The following SPATA6L variants were observed in gnomAD, a reference collection of about 807,000 sequenced individuals.
SPATA6L encodes spermatogenesis associated 6 like.
A neutral mutation model predicts 49.2 loss-of-function variants in SPATA6L; 68 were observed. The ratio of observed to expected loss-of-function variants is 1.38; its 90% CI spans 1.14 to 1.69. The LOEUF (loss-of-function observed/expected upper bound fraction) is 1.69. Among genes scored for constraint, SPATA6L ranks in the 40% most tolerant of loss-of-function variants. The pLI is 0.00. For synonymous variants in SPATA6L, 198 were observed against 165.7 expected (o/e 1.19, Z -1.50); for missense variants, 668 against 464.3 (o/e 1.44, Z -4.03).
intron 6 of SPATA6L, among the ~76,000 whole-genome samples, chr9:4,623,923 T>C (rs12341804): frequency 0.018 from 2,731 of 152,366 alleles, 77 homozygotes; most frequent in African/African-American, 0.06. Context: ...GATGTCATTA[T>C]CCAGGCCACC....
At chr9:4,651,631 A>C (rs7041319) in intron 3 of SPATA6L, among the ~76,000 whole-genome samples, 64,551 of 151,970 alleles carry the variant, frequency 0.42, 13,766 homozygotes, top group East Asian at 0.58. Context: ...ACATATAGAA[A>C]GGCTTATATA....
At chr9:4,649,259 G>C (rs534954755) in intron 3 of SPATA6L, among the ~76,000 whole-genome samples, 1 of 152,242 alleles carries the variant, frequency 6.6e-6, no homozygotes, top group South Asian at 2.1e-4. Context: ...TGGGATTGCT[G>C]GATCAAATGA....
At chr9:4,625,716 A>C in intron 5 of SPATA6L, 150 bp from the exon 6 acceptor site, 1 of 518,256 alleles carries the variant, frequency 1.9e-6, no homozygotes, top group Non-Finnish European at 3.1e-6. Flanking sequence ...TAAGAAGGAC[A>C]TTTCTCTAAT....
intron 3 of SPATA6L, among the ~76,000 whole-genome samples, chr9:4,642,056 C>A (rs1032564790): frequency 2.0e-5 from 3 of 152,206 alleles, no homozygotes; most frequent in African/African-American, 7.2e-5. Context: ...GCGCAAGCCA[C>A]CATACCTGGC....
chr9:4,637,562 A>G (rs934099760), intron 3 of SPATA6L, among the ~76,000 whole-genome samples: 4 of 152,196 alleles, frequency 2.6e-5, no homozygotes, highest in Admixed American at 2.0e-4. Flanking sequence ...AGTTCAATCA[A>G]TACAGGGCCC....
At chr9:4,589,662 T>C (rs983857797) in intron 13 of SPATA6L, among the ~76,000 whole-genome samples, 1 of 152,214 alleles carries the variant, frequency 6.6e-6, no homozygotes, top group Non-Finnish European at 1.5e-5. Context: ...TGTGTGAAGC[T>C]GAGATGTACC....
At chr9:4,609,699 G>T (rs1826194228) in intron 9 of SPATA6L, among the ~76,000 whole-genome samples, 1 of 151,126 alleles carries the variant, frequency 6.6e-6, no homozygotes, top group African/African-American at 2.5e-5. Context: ...ATACTGAATG[G>T]GCAAAAACTG....
chr9:4,641,694 A>T (rs1244864764), intron 3 of SPATA6L, among the ~76,000 whole-genome samples: 1 of 152,222 alleles, frequency 6.6e-6, no homozygotes, highest in Non-Finnish European at 1.5e-5. Flanking sequence ...ATGCGCGTGC[A>T]TGTGTGGTTA....
chr9:4,643,258 G>T (rs1418004950), intron 3 of SPATA6L, among the ~76,000 whole-genome samples: 2 of 152,110 alleles, frequency 1.3e-5, no homozygotes, highest in East Asian at 1.9e-4. Flanking sequence ...CGCCCACCTT[G>T]GCCTCCCCAA....
At chr9:4,621,490 T>A (rs1829282821) in intron 7 of SPATA6L, among the ~76,000 whole-genome samples, 1 of 146,886 alleles carries the variant, frequency 6.8e-6, no homozygotes, top group Non-Finnish European at 1.5e-5. Flanking sequence ...TGTGTGCTAT[T>A]CTTTTTTTTT....
chr9:4,614,760 C>T (rs551267718), intron 9 of SPATA6L, among the ~76,000 whole-genome samples: 3 of 152,212 alleles, frequency 2.0e-5, no homozygotes, highest in African/African-American at 7.2e-5. Context: ...TATTATTTGC[C>T]GCTGATAATC....
chr9:4,619,363 G>A (rs1828761364), intron 7 of SPATA6L, among the ~76,000 whole-genome samples: 1 of 151,884 alleles, frequency 6.6e-6, no homozygotes, highest in Admixed American at 6.6e-5. Context: ...TCACTACGTT[G>A]GCAAGGCTGG....
chr9:4,654,273 C>T (rs1335960303), intron 3 of SPATA6L, among the ~76,000 whole-genome samples: 5 of 152,184 alleles, frequency 3.3e-5, no homozygotes, highest in African/African-American at 1.2e-4. Context: ...ACAGTTACCA[C>T]ATTGAAATGG....
chr9:4,640,294 C>T (rs1049219954), intron 3 of SPATA6L, among the ~76,000 whole-genome samples: 5 of 152,158 alleles, frequency 3.3e-5, no homozygotes, highest in Non-Finnish European at 5.9e-5. Context: ...TATTTCTTGG[C>T]AGCAAAGATC....
Position 4,642,608 on chromosome 9 carries a change from G to A in SPATA6L, c.227-7209C>T, listed in dbSNP as rs147596392. On this transcript the variant is annotated intron_variant, in intron 3 of 11. Transcript: ENST00000682582. The stretch of plus-strand genomic sequence containing the variant: ...ACCTGCTCCAGTGATATCCACAGCA[G>A]GCAGGACTATGATCCCTATCAAAAG... Among the ~76,000 whole-genome samples, 316 of 152,258 alleles carry A rather than the reference G, an allele frequency of 2.1e-3. 8 individuals carry two copies. In the East Asian group the frequency reaches 0.022, roughly 10 times the overall value.
intron 9 of SPATA6L, chr9:4,617,545 AT>A (rs901102788): frequency 2.4e-5 from 4 of 167,442 alleles, no homozygotes; most frequent in Admixed American, 6.4e-5. Context: ...ATATATGCCC[AT>A]ATGTTAACAT....
At chr9:4,644,461 T>C (rs569893656) in intron 3 of SPATA6L, among the ~76,000 whole-genome samples, 5 of 151,938 alleles carry the variant, frequency 3.3e-5, no homozygotes, top group Non-Finnish European at 7.4e-5. Context: ...AAATTCCATA[T>C]CTATGTGTTC....
At chr9:4,659,349 TG>T (rs1201057162) in intron 2 of SPATA6L, among the ~76,000 whole-genome samples, 1 of 152,138 alleles carries the variant, frequency 6.6e-6, no homozygotes, top group African/African-American at 2.4e-5. Context: ...AAAATCAATG[TG>T]CAAAAATCAC....
chr9:4,597,348 A>T (rs1822357952), downstream of SPATA6L, among the ~76,000 whole-genome samples: 1 of 149,766 alleles, frequency 6.7e-6, no homozygotes, highest in African/African-American at 2.5e-5. Context: ...ACACACACAC[A>T]CACACACACA....
Sources: allele counts gnomAD v4.1 joint callset (sites outside exome capture counted in the v4.1 genomes callset), GRCh38; gene constraint gnomAD v4.1.1; transcripts MANE v1.5; gene names NCBI Gene and HGNC (gene_info 2026-07-23, HGNC 2026-07-21).